Variants in NDFIP2 observed in about 807,000 individuals in gnomAD.
NDFIP2 encodes the protein Nedd4 family interacting protein 2, also known as NEDD4 family-interacting protein 2.
In NDFIP2, 19 loss-of-function variants were observed where a neutral mutation model predicts 36.0. That is an observed-to-expected ratio of 0.53 (90% CI 0.37 to 0.77). NDFIP2 has a LOEUF of 0.77. Among genes scored for constraint, NDFIP2 ranks in the 30% least tolerant of loss-of-function variants. The pLI, the probability that NDFIP2 is intolerant of heterozygous loss-of-function variation, is 0.00. For missense variants in NDFIP2, 446 were observed against 435.8 expected (o/e 1.02, Z -0.21); for synonymous variants, 181 against 167.7 (o/e 1.08, Z -0.61).
At position 79,552,606 on chromosome 13, in the gene NDFIP2, C is replaced by T. The variant is rs1594862904; in HGVS notation, c.*93C>T. 1 of 151,820 alleles carries T rather than the reference C, an allele frequency of 6.6e-6. No homozygotes were observed. Among genetic ancestry groups the T allele is most frequent in the East Asian group, 1.9e-4 (1 of 5,194 alleles). 9.4% of individuals were successfully genotyped at this position (151,820 alleles called of 1,614,324 possible). Reference sequence around the variant, plus strand: ...AACTTTAATAGAAGACTACTAATAACAGAAGACAAATTAGTGAAGAAAAGA... The same window carrying T: ...AACTTTAATAGAAGACTACTAATAATAGAAGACAAATTAGTGAAGAAAAGA... On this transcript the variant is annotated 3_prime_UTR_variant, in exon 8 of 8. Coordinates refer to ENST00000218652, the MANE Select transcript of NDFIP2 (RefSeq NM_019080.3).
chr13:79,536,879 T>C (rs1875262274), intron 3 of NDFIP2, among the ~76,000 whole-genome samples: 1 of 149,978 alleles, frequency 6.7e-6, no homozygotes, highest in South Asian at 2.1e-4. Context: ...AAAAAAAAAA[T>C]CAGCTAGGTG....
intron 1 of NDFIP2, among the ~76,000 whole-genome samples, chr13:79,500,856 A>G (rs76199122): frequency 8.5e-5 from 13 of 152,074 alleles, no homozygotes. Flanking sequence ...GGTCCATTCA[A>G]AAACATGCAC....
chr13:79,487,803 T>TC (rs1318313237), intron 1 of NDFIP2, among the ~76,000 whole-genome samples: 1 of 152,072 alleles, frequency 6.6e-6, no homozygotes, highest in Non-Finnish European at 1.5e-5. Flanking sequence ...GAATGGGCCC[T>TC]CCCTACCTGT....
Position 79,544,516 on chromosome 13 carries a change from A to G in NDFIP2, c.840+834A>G, listed in dbSNP as rs147827117. 4.2e-3 allele frequency among the ~76,000 whole-genome samples: 632 copies of G among 150,834 alleles called. 1 individual carries two copies. Among genetic ancestry groups the G allele is most frequent in the African/African-American group, 0.014 (593 of 41,058 alleles). On this transcript the variant is annotated intron_variant, in intron 5 of 7. Transcript: ENST00000218652. The stretch of plus-strand genomic sequence containing the variant: ...AGTTTTTTTTTTTTTTAACTGTAAG[A>G]TCTAGGAGAATGATCAAGAGTGCTT...
chr13:79,497,542 T>A (rs1014481554), intron 1 of NDFIP2, among the ~76,000 whole-genome samples: 5 of 151,946 alleles, frequency 3.3e-5, no homozygotes, highest in African/African-American at 7.2e-5. Flanking sequence ...TGTGTTTTTT[T>A]ATTTTTTTAA....
chr13:79,525,550 T>C (rs1403991073), intron 2 of NDFIP2, among the ~76,000 whole-genome samples: 1 of 152,158 alleles, frequency 6.6e-6, no homozygotes, highest in Non-Finnish European at 1.5e-5. Flanking sequence ...TTAAGTAAAA[T>C]AGAGTTACTT....
intron 1 of NDFIP2, among the ~76,000 whole-genome samples, chr13:79,504,097 G>A (rs1873769731): frequency 6.6e-6 from 1 of 152,048 alleles, no homozygotes; most frequent in Non-Finnish European, 1.5e-5. Flanking sequence ...TCATATAGGG[G>A]TTCTAGAGAT....
At chr13:79,539,147 C>G (rs1385656262) in intron 3 of NDFIP2, among the ~76,000 whole-genome samples, 1 of 152,130 alleles carries the variant, frequency 6.6e-6, no homozygotes, top group Non-Finnish European at 1.5e-5. Context: ...TGTATCTAAT[C>G]TTTTGCTCTT....
intron 1 of NDFIP2, among the ~76,000 whole-genome samples, chr13:79,510,183 T>A (rs1874029180): frequency 6.6e-6 from 1 of 152,198 alleles, no homozygotes; most frequent in Admixed American, 6.5e-5. Flanking sequence ...CTTTTTTGTA[T>A]GTTTTTTAAG....
At chr13:79,507,172 A>G (rs1025398271) in intron 1 of NDFIP2, among the ~76,000 whole-genome samples, 2 of 151,450 alleles carry the variant, frequency 1.3e-5, no homozygotes, top group Admixed American at 6.6e-5. Context: ...CTTTAGCTCT[A>G]TGTTTAACCT....
At chr13:79,533,560 A>AT (rs1190575416) in intron 3 of NDFIP2, 104 bp downstream of exon 3, 59 of 1,095,236 alleles carry the variant, frequency 5.4e-5, no homozygotes, top group Middle Eastern at 5.5e-4. Context: ...GTGTATGTAG[A>AT]TTTTTTTTGA....
chr13:79,521,107 C>G (rs1382505412), intron 2 of NDFIP2, 132 bp downstream of exon 2: 1 of 707,000 alleles, frequency 1.4e-6, no homozygotes, highest in African/African-American at 1.8e-5. Flanking sequence ...TATATACATA[C>G]TGTGTGCACA....
At chr13:79,508,909 C>T (rs1873970457) in intron 1 of NDFIP2, among the ~76,000 whole-genome samples, 1 of 152,180 alleles carries the variant, frequency 6.6e-6, no homozygotes, top group African/African-American at 2.4e-5. Flanking sequence ...CTCCAACTCT[C>T]TTCTTTTCCA....
At chr13:79,497,790 T>TG (rs60067085) in intron 1 of NDFIP2, among the ~76,000 whole-genome samples, 15 of 143,486 alleles carry the variant, frequency 1.0e-4, no homozygotes, top group East Asian at 6.1e-4. Flanking sequence ...CCTTTATCTG[T>TG]GGGGGGTGTG....
At chr13:79,539,657 C>G (rs974351204) in intron 3 of NDFIP2, 25 bp from the exon 4 acceptor site, 34 of 1,572,650 alleles carry the variant, frequency 2.2e-5, no homozygotes, top group Non-Finnish European at 2.9e-5. Context: ...TTTTAGTGAG[C>G]TATTCCAATG....
intron 2 of NDFIP2, among the ~76,000 whole-genome samples, chr13:79,532,057 A>G (rs1055575031): frequency 1.3e-5 from 2 of 152,226 alleles, no homozygotes; most frequent in Non-Finnish European, 2.9e-5. Context: ...CCTGTGTTCT[A>G]TGGGCACAGT....
intron 1 of NDFIP2, among the ~76,000 whole-genome samples, chr13:79,483,020 CTG>C (rs2079824475): frequency 6.6e-6 from 1 of 152,210 alleles, no homozygotes. Context: ...ACCCAAAACA[CTG>C]TTAATTTATG....
At chr13:79,548,075 C>T (rs956789282) in intron 5 of NDFIP2, among the ~76,000 whole-genome samples, 1 of 151,744 alleles carries the variant, frequency 6.6e-6, no homozygotes, top group East Asian at 1.9e-4. Context: ...CTGTTTCTTG[C>T]GGGGAGTTTG....
At chr13:79,523,659 C>T (rs1362583425) in intron 2 of NDFIP2, among the ~76,000 whole-genome samples, 1 of 152,006 alleles carries the variant, frequency 6.6e-6, no homozygotes, top group African/African-American at 2.4e-5. Context: ...GAATGTAGTC[C>T]CTCTTTCTCT....
Sources: allele counts gnomAD v4.1 joint callset (sites outside exome capture counted in the v4.1 genomes callset), GRCh38; gene constraint gnomAD v4.1.1; transcripts MANE v1.5; gene names NCBI Gene and HGNC (gene_info 2026-07-23, HGNC 2026-07-21).